PDIA3: variants seen among roughly 807,000 people sequenced by gnomAD.
The protein encoded by PDIA3 is protein disulfide-isomerase A3.
PDIA3 carries 16 observed loss-of-function variants against 56.9 expected under a neutral mutation model. The ratio of observed to expected loss-of-function variants is 0.28; its 90% CI spans 0.19 to 0.43. PDIA3 has a LOEUF of 0.43. Ranked by LOEUF, PDIA3 falls within the 20% of genes least tolerant of loss-of-function variation. The pLI is 1.00. For missense variants in PDIA3, 485 were observed against 621.3 expected, an observed-to-expected ratio of 0.78 and a Z score of 2.33; for synonymous variants, 192 against 216.5, an observed-to-expected ratio of 0.89 and a Z score of 0.99.
intron 1 of PDIA3, among the ~76,000 whole-genome samples, chr15:43,748,537 G>C (rs551367151): frequency 1.3e-5 from 2 of 152,006 alleles, no homozygotes; most frequent in East Asian, 3.9e-4. Context: ...ACTTTAAATT[G>C]TTACACGTGC....
chr15:43,762,146 A>T (rs2086820255), intron 4 of PDIA3, among the ~76,000 whole-genome samples: 1 of 152,154 alleles, frequency 6.6e-6, no homozygotes, highest in African/African-American at 2.4e-5. Context: ...ATATATGATA[A>T]ATTTGACTAA....
intron 9 of PDIA3, 137 bp from the exon 10 acceptor site, chr15:43,769,379 CTG>C (rs1460991863): frequency 1.4e-6 from 1 of 711,938 alleles, no homozygotes; most frequent in African/African-American, 1.8e-5. Context: ...TTAATACAAT[CTG>C]TAAATGTGAT....
rs1256976040 is a variant in PDIA3, at chr15:43,751,149, TA to T, written c.168-2673del. Among the ~76,000 whole-genome samples the T allele has an allele frequency of 5.9e-3, 228 of 38,956 alleles. 7 individuals are homozygous for T. In the South Asian group the frequency reaches 0.15, roughly 25 times the overall value. 25.6% of individuals were successfully genotyped at this position (38,956 alleles called of 152,430 possible). On this transcript the variant is annotated intron_variant, in intron 1 of 12. Coordinates refer to ENST00000300289, the MANE Select transcript of PDIA3 (RefSeq NM_005313.5). The stretch of plus-strand genomic sequence containing the variant: ...TCCGTCTCGAAAAAAAAAAAAAAAA[TA>T]ATATATGTGCTAATTTCTTTACTTG...
Position 43,766,005 on chromosome 15 carries a change from A to G in PDIA3, c.838A>G (p.Arg280Gly). ...EKNAKGSNYW[R>G]NRVMMVAKKF... ...GAACGCTAAAGGTTCCAACTACTGG[A>G]GAAACAGGTAATAAGAATTATGTTT... The change falls in exon 7 of 13, where the codon AGA becomes GGA. Residue 280 changes from arginine (R) to glycine (G), a missense_variant. Physicochemically the swap from Arg to Gly is moderately radical, Grantham distance 125. Transcript: ENST00000300289. The G allele has an allele frequency of 6.2e-7, 1 of 1,613,434 alleles. No homozygotes were observed. The highest frequency in any genetic ancestry group is 2.2e-5 in the East Asian group (1 of 44,774).
At chr15:43,747,205 G>C (rs528418992) in intron 1 of PDIA3, 8 of 155,562 alleles carry the variant, frequency 5.1e-5, no homozygotes, top group East Asian at 1.9e-4. Flanking sequence ...CAGAATGGTC[G>C]TAAGTGCTTT....
chr15:43,764,568 A>G (rs895133100), intron 5 of PDIA3, among the ~76,000 whole-genome samples: 3 of 152,082 alleles, frequency 2.0e-5, no homozygotes, highest in African/African-American at 7.2e-5. Flanking sequence ...CCTGGGTTCA[A>G]GTGATTCTCC....
At chr15:43,755,091 TGAG>T (rs1172839787) in intron 2 of PDIA3, among the ~76,000 whole-genome samples, 1 of 151,728 alleles carries the variant, frequency 6.6e-6, no homozygotes, top group Non-Finnish European at 1.5e-5. Flanking sequence ...TTTGACAGGC[TGAG>T]GAGGGCGGAT....
At chr15:43,763,726 A>G (rs16960683) in intron 5 of PDIA3, among the ~76,000 whole-genome samples, 1,601 of 152,080 alleles carry the variant, frequency 0.011, 22 homozygotes, top group African/African-American at 0.036. Flanking sequence ...ATGTAGAACT[A>G]TATATGGAGT....
At chr15:43,747,954 C>T (rs938695068) in intron 1 of PDIA3, among the ~76,000 whole-genome samples, 1 of 152,174 alleles carries the variant, frequency 6.6e-6, no homozygotes, top group Admixed American at 6.5e-5. Context: ...ACAGATTACA[C>T]ATATAGATAG....
chr15:43,759,899 C>G (rs527959587), intron 3 of PDIA3, among the ~76,000 whole-genome samples: 2 of 152,002 alleles, frequency 1.3e-5, no homozygotes, highest in South Asian at 4.2e-4. Context: ...GCCTGACCAG[C>G]CAACATAGTG....
chr15:43,753,969 T>G (rs1325763540), intron 2 of PDIA3, 67 bp downstream of exon 2: 5 of 1,064,516 alleles, frequency 4.7e-6, no homozygotes. Context: ...TTGTCTCAGC[T>G]TTGTTACATG....
intron 5 of PDIA3, 29 bp from the exon 6 acceptor site, chr15:43,765,421 T>TA (rs779571512): frequency 8.9e-5 from 110 of 1,237,758 alleles, no homozygotes; most frequent in Non-Finnish European, 1.3e-4. Flanking sequence ...GCTATCTGCC[T>TA]ACTGAGACTT....
intron 7 of PDIA3, among the ~76,000 whole-genome samples, chr15:43,766,290 T>C (rs1228935995): frequency 6.6e-6 from 1 of 152,192 alleles, no homozygotes; most frequent in Non-Finnish European, 1.5e-5. Flanking sequence ...TTTCACAATC[T>C]GTTGGGCATG....
intron 1 of PDIA3, chr15:43,747,022 C>G (rs1438718233): frequency 7.5e-6 from 3 of 397,666 alleles, no homozygotes; most frequent in Non-Finnish European, 1.4e-5. Context: ...TATATCTTTT[C>G]TGCGTGAGTC....
chr15:43,748,883 C>G (rs1327885226), intron 1 of PDIA3, among the ~76,000 whole-genome samples: 3 of 151,890 alleles, frequency 2.0e-5, no homozygotes, highest in Non-Finnish European at 4.4e-5. Flanking sequence ...ATTCCCCTGC[C>G]TCAGCCTCCC....
At chr15:43,767,891 G>A (rs1372751471) in intron 8 of PDIA3, among the ~76,000 whole-genome samples, 2 of 151,794 alleles carry the variant, frequency 1.3e-5, no homozygotes, top group African/African-American at 4.8e-5. Context: ...AAGATCACTT[G>A]ATCACTTGAG....
intron 2 of PDIA3, among the ~76,000 whole-genome samples, chr15:43,755,305 G>C (rs188293266): frequency 1.7e-4 from 26 of 152,268 alleles, no homozygotes; most frequent in African/African-American, 5.8e-4. Flanking sequence ...TCCAGCCTGG[G>C]CGACAGAGCA....
Position 43,766,023 on chromosome 15 carries a change from T to C in PDIA3, c.845+11T>C. 2 of 1,612,322 alleles carry C rather than the reference T, an allele frequency of 1.2e-6. No individual in the cohort carries two copies. The highest frequency in any genetic ancestry group is 2.2e-5 in the East Asian group (1 of 44,756). On this transcript the variant is annotated intron_variant, in intron 7 of 12. Transcript: ENST00000300289. ...CTACTGGAGAAACAGGTAATAAGAATTATGTTTTTCCCTCATGAACAAGTT... is the reference window on the plus strand; with the variant it reads ...CTACTGGAGAAACAGGTAATAAGAACTATGTTTTTCCCTCATGAACAAGTT...
intron 10 of PDIA3, 49 bp downstream of exon 10, chr15:43,769,695 G>C (rs2086869711): frequency 1.3e-6 from 2 of 1,592,588 alleles, no homozygotes. Flanking sequence ...GGAGCAGTAA[G>C]TTTATGTATG....
Sources: gnomAD v4.1 joint callset for allele counts (sites outside exome capture counted in the v4.1 genomes callset) on GRCh38, gnomAD v4.1.1 for gene constraint, MANE v1.5 for transcripts, NCBI Gene and HGNC (gene_info 2026-07-23, HGNC 2026-07-21) for gene names.